The following CSMD3 variants were observed in gnomAD, a reference collection of about 807,000 sequenced individuals.
The protein encoded by CSMD3 is CUB and Sushi multiple domains 3.
In CSMD3, 177 loss-of-function variants were observed where a neutral mutation model predicts 435.2. That is an observed-to-expected ratio of 0.41 (90% CI 0.36 to 0.46). The LOEUF (loss-of-function observed/expected upper bound fraction) is 0.46. CSMD3 is among the 20% of genes least tolerant of loss of function. CSMD3 has a pLI of 0.34. For synonymous variants in CSMD3, 1,656 were observed against 1,520.5 expected, an observed-to-expected ratio of 1.09 and a Z score of -2.07; for missense variants, 4,265 against 4,504.6, an observed-to-expected ratio of 0.95 and a Z score of 1.52.
intron 38 of CSMD3, among the ~76,000 whole-genome samples, chr8:112,355,009 C>T (rs1401125423): frequency 6.6e-6 from 1 of 152,066 alleles, no homozygotes; most frequent in Admixed American, 6.6e-5. Flanking sequence ...ACAGACACAA[C>T]GATGGATGGA....
intron 61 of CSMD3, 44 bp from the exon 62 acceptor site, chr8:112,255,471 C>A (rs767242568): frequency 7.7e-6 from 12 of 1,552,684 alleles, no homozygotes; most frequent in Non-Finnish European, 1.1e-5. Context: ...ATTTAGTATA[C>A]AGCAGAGTAC....
At chr8:112,988,510 C>A (rs2085335007) in intron 6 of CSMD3, among the ~76,000 whole-genome samples, 1 of 152,034 alleles carries the variant, frequency 6.6e-6, no homozygotes, top group Non-Finnish European at 1.5e-5. Context: ...TTTCACTCAT[C>A]TTTGCAAAGT....
At chr8:112,448,695 T>TGTTA (rs775571056) in intron 32 of CSMD3, among the ~76,000 whole-genome samples, 17 of 151,658 alleles carry the variant, frequency 1.1e-4, no homozygotes, top group Non-Finnish European at 2.1e-4. Context: ...TGTGGTAATT[T>TGTTA]GTTACACCAG....
chr8:112,359,631 A>G (rs140878138), intron 38 of CSMD3, among the ~76,000 whole-genome samples: 216 of 152,270 alleles, frequency 1.4e-3, no homozygotes, highest in Non-Finnish European at 2.3e-3. Context: ...ATGACATTTA[A>G]CAATAGAAAA....
At chr8:112,285,884 A>T (rs1819147245) in intron 58 of CSMD3, among the ~76,000 whole-genome samples, 1 of 151,804 alleles carries the variant, frequency 6.6e-6, no homozygotes, top group Admixed American at 6.6e-5. Context: ...ACACCTGGCT[A>T]ATTTTTAAGA....
chr8:112,375,363 T>C, intron 38 of CSMD3, among the ~76,000 whole-genome samples: 1 of 152,132 alleles, frequency 6.6e-6, no homozygotes, highest in East Asian at 1.9e-4. Flanking sequence ...CTTTCTACAT[T>C]AAAGATCATG....
chr8:112,533,435 A>G (rs962221874), intron 27 of CSMD3, among the ~76,000 whole-genome samples: 11 of 152,170 alleles, frequency 7.2e-5, no homozygotes, highest in African/African-American at 2.6e-4. Flanking sequence ...CATGTATTTT[A>G]TGCAAACGGA....
intron 13 of CSMD3, among the ~76,000 whole-genome samples, chr8:112,793,316 C>T (rs1288175255): frequency 6.7e-6 from 1 of 150,222 alleles, no homozygotes; most frequent in Non-Finnish European, 1.5e-5. Flanking sequence ...TTCTATGTTT[C>T]CTTTGCTGAA....
intron 32 of CSMD3, among the ~76,000 whole-genome samples, chr8:112,430,892 G>A (rs201783979): frequency 1.0e-5 from 1 of 97,362 alleles, no homozygotes; most frequent in Non-Finnish European, 2.2e-5. Context: ...GTGTTTGTGT[G>A]TATATGTGTG....
chr8:113,412,760 G>T (rs1254486090), intron 1 of CSMD3, among the ~76,000 whole-genome samples: 1 of 151,960 alleles, frequency 6.6e-6, no homozygotes, highest in African/African-American at 2.4e-5. Flanking sequence ...TTGCCTGCAT[G>T]AACGATTGTT....
At chr8:112,529,763 T>G (rs1825342075) in intron 27 of CSMD3, among the ~76,000 whole-genome samples, 1 of 152,160 alleles carries the variant, frequency 6.6e-6, no homozygotes, top group Non-Finnish European at 1.5e-5. Context: ...CATATGCCAA[T>G]GCAGAGCATC....
At chr8:112,791,006 G>GA (rs1476397184) in intron 13 of CSMD3, among the ~76,000 whole-genome samples, 1 of 151,982 alleles carries the variant, frequency 6.6e-6, no homozygotes, top group Admixed American at 6.6e-5. Context: ...ATGCATTGGT[G>GA]AAACCATCAC....
intron 13 of CSMD3, among the ~76,000 whole-genome samples, chr8:112,741,205 A>T (rs191485889): frequency 1.3e-5 from 2 of 152,016 alleles, no homozygotes; most frequent in East Asian, 3.9e-4. Context: ...AACATTTACA[A>T]ACTGTATATC....
chr8:112,562,409 A>G (rs1274926627), intron 24 of CSMD3, among the ~76,000 whole-genome samples: 1 of 151,506 alleles, frequency 6.6e-6, no homozygotes, highest in African/African-American at 2.4e-5. Flanking sequence ...ACATAAATAT[A>G]TACTTTATAA....
chr8:112,832,191 A>T (rs1463211758), intron 11 of CSMD3, among the ~76,000 whole-genome samples: 2 of 152,182 alleles, frequency 1.3e-5, no homozygotes, highest in Non-Finnish European at 2.9e-5. Context: ...CAGAAACTGC[A>T]AAGTAGGAAT....
chr8:113,399,104 T>TACACAC (rs544453240), intron 1 of CSMD3, among the ~76,000 whole-genome samples: 30 of 74,994 alleles, frequency 4.0e-4, no homozygotes, highest in Admixed American at 1.6e-3. Flanking sequence ...TATATATATA[T>TACACAC]ATACACACAC....
At chr8:112,815,389 TGA>T (rs2079345311) in intron 12 of CSMD3, among the ~76,000 whole-genome samples, 1 of 152,170 alleles carries the variant, frequency 6.6e-6, no homozygotes, top group Non-Finnish European at 1.5e-5. Flanking sequence ...ATTTCTATAT[TGA>T]GTTTTATTTT....
chr8:112,844,738 G>A (rs890137307), intron 11 of CSMD3, among the ~76,000 whole-genome samples: 4 of 151,720 alleles, frequency 2.6e-5, no homozygotes, highest in African/African-American at 4.8e-5. Context: ...CTGTTAATGC[G>A]TTTTCTGTCA....
chr8:112,985,156 C>T (rs2085208930), intron 6 of CSMD3, among the ~76,000 whole-genome samples: 2 of 151,974 alleles, frequency 1.3e-5, no homozygotes, highest in Non-Finnish European at 1.5e-5. Context: ...TGTGGAACCC[C>T]TTAGATTTGC....
Sources: allele counts gnomAD v4.1 joint callset (sites outside exome capture counted in the v4.1 genomes callset), GRCh38; gene constraint gnomAD v4.1.1; transcripts MANE v1.5; gene names NCBI Gene and HGNC (gene_info 2026-07-23, HGNC 2026-07-21).